Variants in ARPIN observed in about 807,000 individuals in gnomAD.
ARPIN encodes the protein actin related protein 2/3 complex inhibitor, also known as UPF0552 protein C15orf38.
A neutral mutation model predicts 25.9 loss-of-function variants in ARPIN; 23 were observed. The ratio of observed to expected loss-of-function variants is 0.89; its 90% CI spans 0.64 to 1.26. The LOEUF (loss-of-function observed/expected upper bound fraction) is 1.26. ARPIN is among the 50% of genes most tolerant of loss of function. The pLI, the probability that ARPIN is intolerant of heterozygous loss-of-function variation, is 0.00. For missense variants in ARPIN, 333 were observed against 312.2 expected (o/e 1.07, Z -0.50); for synonymous variants, 126 against 131.4 (o/e 0.96, Z 0.28).
chr15:89,905,202 G>A (rs757572223), intron 3 of ARPIN, among the ~76,000 whole-genome samples: 5 of 151,796 alleles, frequency 3.3e-5, no homozygotes, highest in African/African-American at 1.2e-4. Flanking sequence ...TTGTATTTTT[G>A]TTAGAAACGG....
intron 3 of ARPIN, among the ~76,000 whole-genome samples, chr15:89,904,808 T>C (rs2141921336): frequency 6.6e-6 from 1 of 152,226 alleles, no homozygotes; most frequent in East Asian, 1.9e-4. Flanking sequence ...ATGAACACAT[T>C]TCATGGAGCA....
intron 1 of ARPIN, chr15:89,912,166 C>T (rs1224838558): frequency 1.0e-6 from 1 of 977,164 alleles, no homozygotes; most frequent in African/African-American, 1.8e-5. Context: ...GTTCCATATA[C>T]GAGATCACAC....
At chr15:89,904,799 T>C (rs914001033) in intron 3 of ARPIN, among the ~76,000 whole-genome samples, 1 of 152,162 alleles carries the variant, frequency 6.6e-6, no homozygotes, top group Non-Finnish European at 1.5e-5. Context: ...AGCCAACCCA[T>C]GAACACATTT....
Position 89,912,598 on chromosome 15 carries a change from G to A in ARPIN, c.92+146C>T, listed in dbSNP as rs116295368. 1,924 of 1,346,258 alleles carry A rather than the reference G, an allele frequency of 1.4e-3. 28 individuals carry two copies. The African/African-American group carries it at 0.027, about 19-fold the overall frequency. 83.4% of individuals were successfully genotyped at this position (1,346,258 alleles called of 1,614,324 possible). On this transcript the variant is annotated intron_variant, in intron 1 of 5. Coordinates refer to ENST00000357484, the MANE Select transcript of ARPIN (RefSeq NM_182616.4). ...CGGCGGCAGGGGCGCCGGGAGCGGC[G>A]GACTGGAGGGGCGGACTGAAGGCGG... is the stretch of plus-strand genomic sequence containing the variant.
intron 2 of ARPIN, among the ~76,000 whole-genome samples, chr15:89,909,632 T>C (rs149184929): frequency 6.6e-5 from 10 of 152,314 alleles, no homozygotes; most frequent in African/African-American, 1.4e-4. Context: ...GATGTATTTC[T>C]GGAAAGACAT....
At chr15:89,905,020 AACCCTTTT>A (rs1297527137) in intron 3 of ARPIN, among the ~76,000 whole-genome samples, 1 of 96,970 alleles carries the variant, frequency 1.0e-5, no homozygotes, top group Non-Finnish European at 2.1e-5. Flanking sequence ...CTCACCTGTC[AACCCTTTT>A]TTTTTTTTTT....
In ARPIN at chr15:89,908,401, G is replaced by A. The variant is rs182874848; in HGVS notation, c.180C>T (p.Tyr60=). 4.9e-5 allele frequency: 79 copies of A among 1,614,058 alleles called. No individual in the cohort carries two copies. In the Middle Eastern group the frequency reaches 5.0e-4, roughly 10 times the overall value. The change falls in exon 3 of 6, where the codon TAC becomes TAT. Residue 60 remains tyrosine (Y), a synonymous_variant. Transcript: ENST00000357484. ...LDTHGRKERY[Y]VLYIRPSHIH... ...TGTGACTGGGCCGGATATACAGCAC[G>A]TAGTAGCGCTCCTGGGGCCAGGCAG...
At chr15:89,910,624 T>C in intron 2 of ARPIN, 120 bp downstream of exon 2, 1 of 1,261,914 alleles carries the variant, frequency 7.9e-7, no homozygotes, top group Non-Finnish European at 1.1e-6. Flanking sequence ...CCACTTGCTT[T>C]CTAAGCCCAT....
intron 5 of ARPIN, chr15:89,902,720 G>T (rs190210697): frequency 3.1e-5 from 13 of 426,044 alleles, no homozygotes; most frequent in Non-Finnish European, 4.2e-5. Context: ...AAAGAGAAAA[G>T]AAATGAAAAG....
chr15:89,912,907 C>G lies in ARPIN; in HGVS notation c.-72G>C, dbSNP rs1596239118. 7.0e-7 allele frequency: 1 copy of G among 1,430,342 alleles called. No individual in the cohort carries two copies. The highest frequency in any genetic ancestry group is 9.1e-7 in the Non-Finnish European group (1 of 1,100,372). The allele number at this position is 1,430,342 out of a possible 1,614,324, so 88.6% of individuals were successfully genotyped here. On this transcript the variant is annotated 5_prime_UTR_variant, in exon 1 of 6. Transcript: ENST00000357484. ...TGGGGGCGCGGCGCGGGAAGTGCTG[C>G]AGGACGCGCGGGGACCCGCGATTCC...
intron 3 of ARPIN, among the ~76,000 whole-genome samples, chr15:89,904,896 C>T (rs1897091271): frequency 6.6e-6 from 1 of 152,192 alleles, no homozygotes; most frequent in African/African-American, 2.4e-5. Context: ...GCTGCTCCCA[C>T]AGGACTGCTC....
At chr15:89,907,077 AT>A (rs1430753445) in intron 3 of ARPIN, among the ~76,000 whole-genome samples, 1 of 150,530 alleles carries the variant, frequency 6.6e-6, no homozygotes. Context: ...TATTATTACT[AT>A]TTTTTTTTGA....
chr15:89,906,387 G>A (rs1360604080), intron 3 of ARPIN, among the ~76,000 whole-genome samples: 1 of 152,084 alleles, frequency 6.6e-6, no homozygotes, highest in Non-Finnish European at 1.5e-5. Context: ...GCCAGGCATT[G>A]GGCACCCTCT....
intron 1 of ARPIN, among the ~76,000 whole-genome samples, chr15:89,911,630 T>C (rs1399543709): frequency 6.6e-6 from 1 of 152,158 alleles, no homozygotes; most frequent in South Asian, 2.1e-4. Flanking sequence ...GACAAAAGAC[T>C]GTATATATTC....
At chr15:89,905,382 G>A (rs1334079649) in intron 3 of ARPIN, among the ~76,000 whole-genome samples, 1 of 151,950 alleles carries the variant, frequency 6.6e-6, no homozygotes, top group Non-Finnish European at 1.5e-5. Context: ...AAGGATAGGA[G>A]GCCTCTCCTC....
intron 3 of ARPIN, among the ~76,000 whole-genome samples, chr15:89,906,732 T>C (rs1360393504): frequency 3.3e-5 from 5 of 151,926 alleles, no homozygotes; most frequent in Non-Finnish European, 1.5e-5. Context: ...CTCAAAACCT[T>C]CTCACCCAGG....
Position 89,912,754 on chromosome 15 carries a change from C to T in ARPIN, c.82G>A (p.Ala28Thr), listed in dbSNP as rs1270624896. ...VRLPGAWDPA[A>T]HQGGNGVLLE... The stretch of plus-strand genomic sequence containing the variant: ...TGAGCCCAGGCCTACCCCTGGTGGG[C>T]GGCGGGGTCCCAGGCCCCTGGCAGC... The change falls in exon 1 of 6, where the codon GCC becomes ACC. Residue 28 changes from alanine to threonine, a missense_variant. Ala to Thr is a moderately conservative substitution (Grantham distance 58). Transcript: ENST00000357484. The T allele has an allele frequency of 3.2e-5, 42 of 1,312,182 alleles. No individual in the cohort carries two copies. The highest frequency in any genetic ancestry group is 4.1e-5 in the Non-Finnish European group (42 of 1,021,254). The allele number at this position is 1,312,182 out of a possible 1,614,324, so 81.3% of individuals were successfully genotyped here. A position where few individuals can be genotyped will look rare whatever the true frequency, so the allele number is the denominator to read the frequency against.
Position 89,902,705 on chromosome 15 carries a change from C to CA in ARPIN, c.672+510dup, listed in dbSNP as rs1897042497. 10 of 387,232 alleles carry CA rather than the reference C, an allele frequency of 2.6e-5. No individual in the cohort carries two copies. In the South Asian group the frequency reaches 3.1e-4, roughly 12 times the overall value. 24.0% of individuals were successfully genotyped at this position (387,232 alleles called of 1,614,324 possible). ...GGCAACAGAATGAGACTCCATCTCC[C>CA]AAAAAAAGAGAAAAGAAATGAAAAG... On this transcript the variant is annotated intron_variant, in intron 5 of 5. Coordinates refer to ENST00000357484, the MANE Select transcript of ARPIN (RefSeq NM_182616.4).
At chr15:89,909,252 G>A (rs1338578004) in intron 2 of ARPIN, among the ~76,000 whole-genome samples, 4 of 152,172 alleles carry the variant, frequency 2.6e-5, no homozygotes, top group Non-Finnish European at 4.4e-5. Context: ...CGTGAACTGT[G>A]CTATAAGTGC....
Sources: allele counts gnomAD v4.1 joint callset (sites outside exome capture counted in the v4.1 genomes callset), GRCh38; gene constraint gnomAD v4.1.1; transcripts MANE v1.5; gene names NCBI Gene and HGNC (gene_info 2026-07-23, HGNC 2026-07-21).